Variants in FOXP1 observed in about 807,000 individuals in gnomAD.
FOXP1 encodes the protein forkhead box protein P1.
A neutral mutation model predicts 98.2 loss-of-function variants in FOXP1; 15 were observed. That is an observed-to-expected ratio of 0.15 (90% CI 0.10 to 0.24). FOXP1 has a LOEUF of 0.24. Ranked by LOEUF, FOXP1 falls within the 10% of genes least tolerant of loss-of-function variation. FOXP1 has a pLI of 1.00. For missense variants in FOXP1, 633 were observed against 848.5 expected, an observed-to-expected ratio of 0.75 and a Z score of 3.15; for synonymous variants, 371 against 314.5, an observed-to-expected ratio of 1.18 and a Z score of -1.90.
chr3:71,050,213 G>T (rs1280740106), intron 9 of FOXP1, among the ~76,000 whole-genome samples: 1 of 152,128 alleles, frequency 6.6e-6, no homozygotes, highest in African/African-American at 2.4e-5. Context: ...ACAGCAATTT[G>T]GGAGAGGTAA....
intron 4 of FOXP1, among the ~76,000 whole-genome samples, chr3:71,314,674 T>C (rs1576928430): frequency 6.6e-6 from 1 of 151,936 alleles, no homozygotes; most frequent in Admixed American, 6.6e-5. Flanking sequence ...TCAATAGTAG[T>C]TGGAGAATTG....
At chr3:71,184,717 A>G (rs2062539088) in intron 6 of FOXP1, among the ~76,000 whole-genome samples, 2 of 151,770 alleles carry the variant, frequency 1.3e-5, no homozygotes, top group South Asian at 4.1e-4. Flanking sequence ...AGATTGAAAC[A>G]TTTGGCAAAT....
rs1576282877 is a variant in FOXP1, at chr3:71,186,821, G to C, written c.180+11381C>G. 2.0e-5 allele frequency among the ~76,000 whole-genome samples: 3 copies of C among 152,224 alleles called. No homozygotes were observed. In the East Asian group the frequency reaches 5.8e-4, roughly 29 times the overall value. ...CCTCAGTTTTGTCACTGTAAAGTAA[G>C]GGTAGAAGTCTGTAGAAGGCAAATC... On this transcript the variant is annotated intron_variant, in intron 6 of 20. Coordinates refer to ENST00000649528, the MANE Select transcript of FOXP1 (RefSeq NM_001349338.3).
At chr3:71,402,422 T>C (rs753855638) in intron 3 of FOXP1, among the ~76,000 whole-genome samples, 2 of 152,132 alleles carry the variant, frequency 1.3e-5, no homozygotes, top group Non-Finnish European at 2.9e-5. Context: ...GCCACTGCAC[T>C]CCAGCCTGGG....
intron 2 of FOXP1, among the ~76,000 whole-genome samples, chr3:71,565,699 G>A (rs1403732707): frequency 6.6e-6 from 1 of 152,184 alleles, no homozygotes; most frequent in African/African-American, 2.4e-5. Context: ...ATCCTGGGCG[G>A]CCATCTATTT....
intron 5 of FOXP1, among the ~76,000 whole-genome samples, chr3:71,203,671 G>C (rs540443036): frequency 1.3e-5 from 2 of 152,296 alleles, no homozygotes; most frequent in South Asian, 4.1e-4. Context: ...ATATGAAGCA[G>C]AATAAATGCC....
intron 3 of FOXP1, among the ~76,000 whole-genome samples, chr3:71,420,869 G>A (rs994908006): frequency 1.3e-5 from 2 of 152,022 alleles, no homozygotes; most frequent in Admixed American, 1.3e-4. Flanking sequence ...ACCATGCCCG[G>A]CTAATTTTTT....
chr3:71,252,547 CTTAGAG>C (rs4055825), intron 5 of FOXP1, among the ~76,000 whole-genome samples: 11,226 of 148,608 alleles, frequency 0.076, 544 homozygotes, highest in East Asian at 0.23. Flanking sequence ...ATTCTTAGTC[CTTAGAG>C]TATCCCTGAA....
chr3:71,257,244 T>C (rs2107136376), intron 5 of FOXP1, among the ~76,000 whole-genome samples: 1 of 152,264 alleles, frequency 6.6e-6, no homozygotes, highest in South Asian at 2.1e-4. Context: ...GGAATATTCT[T>C]ACTAGTTCTT....
At chr3:70,962,720 T>G (rs1398239887) in intron 20 of FOXP1, among the ~76,000 whole-genome samples, 1 of 152,202 alleles carries the variant, frequency 6.6e-6, no homozygotes, top group East Asian at 1.9e-4. Context: ...TCTATCAATC[T>G]TTTCATGTTT....
chr3:71,480,859 C>T (rs991224554), intron 3 of FOXP1, among the ~76,000 whole-genome samples: 4 of 152,120 alleles, frequency 2.6e-5, no homozygotes, highest in Non-Finnish European at 5.9e-5. Context: ...ACACATATAT[C>T]GGTCTTTCCC....
chr3:71,112,409 C>CA, intron 7 of FOXP1, 127 bp downstream of exon 7: 1 of 817,022 alleles, frequency 1.2e-6, no homozygotes, highest in South Asian at 1.5e-5. Flanking sequence ...GCTGGTAAAC[C>CA]AAAAATGCAC....
chr3:71,339,106 T>C (rs886141223), intron 4 of FOXP1, among the ~76,000 whole-genome samples: 6 of 152,252 alleles, frequency 3.9e-5, no homozygotes, highest in African/African-American at 9.6e-5. Context: ...CAGCTCTCTT[T>C]TACATTTTAT....
At chr3:70,975,142 G>C (rs972475147) in intron 17 of FOXP1, among the ~76,000 whole-genome samples, 1 of 152,124 alleles carries the variant, frequency 6.6e-6, no homozygotes, top group African/African-American at 2.4e-5. Context: ...TTTGCAAAAC[G>C]AAAAAGTGCA....
At chr3:71,443,083 G>A (rs1226404055) in intron 3 of FOXP1, among the ~76,000 whole-genome samples, 2 of 152,020 alleles carry the variant, frequency 1.3e-5, no homozygotes, top group South Asian at 2.1e-4. Context: ...TGGTAGAGAT[G>A]GGGTTTCACC....
chr3:71,190,985 T>C (rs1106377), intron 6 of FOXP1, among the ~76,000 whole-genome samples: 7 of 152,362 alleles, frequency 4.6e-5, no homozygotes, highest in Non-Finnish European at 8.8e-5. Context: ...TTCCTTCTTG[T>C]GGCTCAGTGT....
chr3:71,582,446 C>G (rs2048260126), intron 1 of FOXP1: 1 of 985,212 alleles, frequency 1.0e-6, no homozygotes, highest in African/African-American at 1.7e-5. Context: ...GGAGTCGTCT[C>G]GGCGGGACAG....
rs35677326 is a variant in FOXP1, at chr3:71,260,537, A to ATT, written c.-12+39281_-12+39282dup. On this transcript the variant is annotated intron_variant, in intron 5 of 20. Transcript: ENST00000649528. Reference sequence around the variant, plus strand: ...ATCATATTTAGAGCAATTTCCTTTAATTTTTTTTTTTTTTTCCTGAGAAGG... The same window carrying ATT: ...ATCATATTTAGAGCAATTTCCTTTAATTTTTTTTTTTTTTTTTCCTGAGAAGG... Among the ~76,000 whole-genome samples the ATT allele has an allele frequency of 5.9e-3, 848 of 143,078 alleles. 4 individuals are homozygous for ATT. The highest frequency in any genetic ancestry group is 0.01 in the African/African-American group (401 of 38,458). 93.9% of individuals were successfully genotyped at this position (143,078 alleles called of 152,430 possible).
chr3:71,220,082 G>A (rs1189402234), intron 5 of FOXP1, among the ~76,000 whole-genome samples: 3 of 152,172 alleles, frequency 2.0e-5, no homozygotes, highest in African/African-American at 4.8e-5. Flanking sequence ...ATCTGGAAGA[G>A]CCCCATCAAG....
Sources: gnomAD v4.1 joint callset for allele counts (sites outside exome capture counted in the v4.1 genomes callset) on GRCh38, gnomAD v4.1.1 for gene constraint, MANE v1.5 for transcripts, NCBI Gene and HGNC (gene_info 2026-07-23, HGNC 2026-07-21) for gene names.